The following PKD1L3 variants were observed in gnomAD, a reference collection of about 807,000 sequenced individuals.
PKD1L3 encodes polycystin-1-like protein 3.
In PKD1L3, 239 loss-of-function variants were observed where a neutral mutation model predicts 184.1. The observed-to-expected ratio is 1.30, with a 90% CI of 1.17 to 1.45. PKD1L3 has a LOEUF of 1.45. Among genes scored for constraint, PKD1L3 ranks in the 40% most tolerant of loss-of-function variants. The pLI, the probability that PKD1L3 is intolerant of heterozygous loss-of-function variation, is 0.00. For missense variants in PKD1L3, 2,660 were observed against 2,067.2 expected, an observed-to-expected ratio of 1.29 and a Z score of -5.56; for synonymous variants, 996 against 778.8, an observed-to-expected ratio of 1.28 and a Z score of -4.64.
At chr16:71,943,484 G>A (rs1433925111) in intron 23 of PKD1L3, among the ~76,000 whole-genome samples, 1 of 137,130 alleles carries the variant, frequency 7.3e-6, no homozygotes, top group Non-Finnish European at 1.5e-5. Flanking sequence ...GATGCAGTGA[G>A]CTGACATTGC....
chr16:71,945,374 GCA>G (rs751230268), intron 22 of PKD1L3, among the ~76,000 whole-genome samples: 15 of 25,430 alleles, frequency 5.9e-4, no homozygotes, highest in African/African-American at 1.8e-3. Flanking sequence ...ATACACACAC[GCA>G]CACACACATA....
chr16:71,956,566 C>A (rs2039057735), intron 16 of PKD1L3, among the ~76,000 whole-genome samples: 1 of 152,002 alleles, frequency 6.6e-6, no homozygotes, highest in Non-Finnish European at 1.5e-5. Context: ...ATGAAATAAG[C>A]CAGTCACCGA....
intron 18 of PKD1L3, among the ~76,000 whole-genome samples, chr16:71,952,562 C>T (rs2038881137): frequency 2.6e-5 from 1 of 38,924 alleles, no homozygotes; most frequent in Non-Finnish European, 5.7e-5. Context: ...TGGCTGGGCA[C>T]GGTGGCTTAC....
At chr16:71,937,856 C>T (rs1382945677) in intron 24 of PKD1L3, among the ~76,000 whole-genome samples, 1 of 152,172 alleles carries the variant, frequency 6.6e-6, no homozygotes, top group East Asian at 1.9e-4. Context: ...AAAATGTTGA[C>T]GTTTATAAAA....
At chr16:71,973,098 G>T (rs1451354811) in intron 12 of PKD1L3, among the ~76,000 whole-genome samples, 1 of 152,210 alleles carries the variant, frequency 6.6e-6, no homozygotes, top group Non-Finnish European at 1.5e-5. Flanking sequence ...GACTGTGTTT[G>T]AGAAAGAAAT....
chr16:71,945,334 A>G (rs745435721), intron 22 of PKD1L3, among the ~76,000 whole-genome samples: 7 of 121,486 alleles, frequency 5.8e-5, no homozygotes, highest in Non-Finnish European at 1.0e-4. Flanking sequence ...ATATACACAC[A>G]CACACACATA....
chr16:71,932,429 G>A (rs184999133), intron 28 of PKD1L3, among the ~76,000 whole-genome samples: 183 of 152,272 alleles, frequency 1.2e-3, no homozygotes, highest in Non-Finnish European at 2.0e-3. Flanking sequence ...CAGAAATAAC[G>A]CAGTTTCTCT....
rs1467915428 is a variant in PKD1L3, at chr16:71,977,297, C to G, written c.1698G>C (p.Gln566His). Residue 566 changes from glutamine (Q) to histidine (H), a missense_variant, in exon 11 of 30, where the codon CAG becomes CAC. Physicochemically the swap from Gln to His is conservative, Grantham distance 24. Transcript: ENST00000620267. ...TCAGGTGGAAGTGAGTGCAGTTAGGCTGATACTGGAACCCCAGGTAGAGTG... is the reference window on the plus strand; with the variant it reads ...TCAGGTGGAAGTGAGTGCAGTTAGGGTGATACTGGAACCCCAGGTAGAGTG... ...LMTLYLGFQY[Q>H]PNCTHFHLNI... The G allele has an allele frequency of 6.5e-7, 1 of 1,543,552 alleles. No homozygotes were observed. Among genetic ancestry groups the G allele is most frequent in the Non-Finnish European group, 8.8e-7 (1 of 1,139,626 alleles).
chr16:71,994,383 C>T (rs2040705075), intron 2 of PKD1L3, among the ~76,000 whole-genome samples: 1 of 152,160 alleles, frequency 6.6e-6, no homozygotes, highest in South Asian at 2.1e-4. Flanking sequence ...TAGAGTCCTT[C>T]CATGACTCTG....
At position 71,934,003 on chromosome 16, in the gene PKD1L3, A is replaced by G. The variant is rs1188563581; in HGVS notation, c.4736T>C (p.Val1579Ala). ...GGCTCGGCTCAGTGTCCTGCTGATG[A>G]CCCGCAGCCTGGGGCTATGACGCAG... ...NLLRHSPRLR[V>A]ISRTLSRAWD... Residue 1579 changes from valine to alanine, a missense_variant, in exon 27 of 30, where the codon GTC becomes GCC. Transcript: ENST00000620267. The G allele has an allele frequency of 6.4e-7, 1 of 1,551,654 alleles. No homozygotes were observed. The highest frequency in any genetic ancestry group is 2.4e-5 in the East Asian group (1 of 40,916).
At chr16:71,964,528 G>T (rs577272219) in intron 15 of PKD1L3, among the ~76,000 whole-genome samples, 10 of 151,050 alleles carry the variant, frequency 6.6e-5, no homozygotes, top group Admixed American at 1.3e-4. Context: ...TAGTAGAGAT[G>T]GGGTTTCACT....
chr16:71,979,883 G>A lies in PKD1L3; in HGVS notation c.1301C>T (p.Ser434Phe), dbSNP rs1478125112. Residue 434 changes from serine to phenylalanine, a missense_variant, in exon 9 of 30, where the codon TCT becomes TTT. Transcript: ENST00000620267. ...AGGGGCTGGGTGACCCAGAGTGTAA[G>A]AGCTCAGCGGTAAAGTTGATATGTT... is the stretch of plus-strand genomic sequence containing the variant. Reference protein sequence around the residue: ...RQNISTLPLSSYTLGHPAPVR... With the variant: ...RQNISTLPLSFYTLGHPAPVR... 2.0e-5 allele frequency: 31 copies of A among 1,547,944 alleles called. No homozygotes were observed. Among genetic ancestry groups the A allele is most frequent in the Non-Finnish European group, 2.5e-5 (29 of 1,146,286 alleles).
intron 25 of PKD1L3, among the ~76,000 whole-genome samples, chr16:71,936,543 CAGTTTCACTCTTGT>C (rs1399212065): frequency 1.2e-4 from 15 of 122,910 alleles, no homozygotes; most frequent in African/African-American, 4.4e-4. Flanking sequence ...TTTTGAGATG[CAGTTTCACTCTTGT>C]TGCCCAAGCT....
At chr16:71,949,759 TG>T in intron 21 of PKD1L3, 23 bp downstream of exon 21, 1 of 1,538,826 alleles carries the variant, frequency 6.5e-7, no homozygotes, top group South Asian at 1.2e-5. Flanking sequence ...GCAACTCCAA[TG>T]GTTCTTCCCA....
In PKD1L3 at chr16:71,934,042, T is replaced by C. The variant is rs1261972486; in HGVS notation, c.4697A>G (p.Gln1566Arg). ...GCTATGACGCAGCAGGTTCCATAACTGAACAGTTGCCAGGAGAACCGGGAA... is the reference window on the plus strand; with the variant it reads ...GCTATGACGCAGCAGGTTCCATAACCGAACAGTTGCCAGGAGAACCGGGAA... Reference protein sequence around the residue: ...VGFPVLLATVQLWNLLRHSPR... With the variant: ...VGFPVLLATVRLWNLLRHSPR... Residue 1566 changes from glutamine (Q) to arginine (R), a missense_variant, in exon 27 of 30, where the codon CAG (glutamine) becomes CGG (arginine). Gln to Arg is a conservative substitution (Grantham distance 43). Coordinates refer to ENST00000620267, the MANE Select transcript of PKD1L3 (RefSeq NM_181536.2). 1.9e-5 allele frequency: 30 copies of C among 1,551,392 alleles called. No individual in the cohort carries two copies. In the East Asian group the frequency reaches 6.4e-4, roughly 33 times the overall value.
intron 16 of PKD1L3, among the ~76,000 whole-genome samples, chr16:71,961,957 T>A (rs2039296938): frequency 6.6e-6 from 1 of 152,190 alleles, no homozygotes; most frequent in African/African-American, 2.4e-5. Context: ...GTTTGGTTGA[T>A]AGAGCCACTG....
chr16:71,969,624 T>G (rs2039634459), intron 13 of PKD1L3, among the ~76,000 whole-genome samples: 1 of 152,030 alleles, frequency 6.6e-6, no homozygotes, highest in Non-Finnish European at 1.5e-5. Context: ...TGTTTTCTTT[T>G]GGCTCATTCC....
chr16:71,935,627 A>G, intron 25 of PKD1L3, 109 bp from the exon 26 acceptor site: 1 of 1,040,698 alleles, frequency 9.6e-7, no homozygotes, highest in South Asian at 1.7e-5. Context: ...GCACACTGCC[A>G]GGCATTTATC....
intron 7 of PKD1L3, 138 bp from the exon 8 acceptor site, chr16:71,980,272 GA>G (rs1390560748): frequency 1.1e-4 from 125 of 1,180,674 alleles, no homozygotes; most frequent in South Asian, 6.5e-4. Flanking sequence ...GAGGACCTTG[GA>G]ATCTCACAGA....
Sources: allele counts gnomAD v4.1 joint callset (sites outside exome capture counted in the v4.1 genomes callset), GRCh38; gene constraint gnomAD v4.1.1; transcripts MANE v1.5; gene names NCBI Gene and HGNC (gene_info 2026-07-23, HGNC 2026-07-21).